The following TGFBI variants were observed in gnomAD, a reference collection of about 807,000 sequenced individuals.
TGFBI encodes the protein transforming growth factor-beta-induced protein ig-h3.
TGFBI carries 50 observed loss-of-function variants against 73.7 expected under a neutral mutation model. The ratio of observed to expected loss-of-function variants is 0.68; its 90% CI spans 0.54 to 0.86. TGFBI has a LOEUF of 0.86. Ranked by LOEUF, TGFBI falls within the 40% of genes least tolerant of loss-of-function variation. The pLI is 0.00. For synonymous variants in TGFBI, 362 were observed against 360.5 expected, an observed-to-expected ratio of 1.00 and a Z score of -0.05; for missense variants, 839 against 877.0, an observed-to-expected ratio of 0.96 and a Z score of 0.55.
At chr5:136,031,055 G>A (rs866508111) in intron 1 of TGFBI, among the ~76,000 whole-genome samples, 3 of 152,190 alleles carry the variant, frequency 2.0e-5, no homozygotes, top group African/African-American at 4.8e-5. Context: ...TACCCCTGCA[G>A]GCAAAGCCTC....
At chr5:136,035,556 C>T (rs1006356651) in intron 2 of TGFBI, among the ~76,000 whole-genome samples, 6 of 144,868 alleles carry the variant, frequency 4.1e-5, no homozygotes, top group Non-Finnish European at 7.5e-5. Flanking sequence ...ACCTGGGAGG[C>T]GGAGCTTGCA....
chr5:136,033,352 A>G (rs904743232), intron 1 of TGFBI, among the ~76,000 whole-genome samples: 1 of 152,148 alleles, frequency 6.6e-6, no homozygotes, highest in Non-Finnish European at 1.5e-5. Context: ...GGTTTAAACC[A>G]GCTATAAAGC....
chr5:136,035,640 A>G (rs1751206397), intron 2 of TGFBI, among the ~76,000 whole-genome samples: 2 of 150,370 alleles, frequency 1.3e-5, no homozygotes, highest in South Asian at 2.1e-4. Context: ...AAAAAAAAAA[A>G]AAAGAAAAGA....
rs1217979550 is a variant in TGFBI at position 136,063,721 on chromosome 5, G to A, written c.*495G>A. On this transcript the variant is annotated 3_prime_UTR_variant, in exon 17 of 17. Coordinates refer to ENST00000442011, the MANE Select transcript of TGFBI (RefSeq NM_000358.3). Reference sequence around the variant, plus strand: ...CACGTGGCTTGGAGGCTTTTATGGGGCCCTGTCCAGGTAGAAAAGAAATGG... The same window carrying A: ...CACGTGGCTTGGAGGCTTTTATGGGACCCTGTCCAGGTAGAAAAGAAATGG... 1.2e-5 allele frequency: 2 copies of A among 166,756 alleles called. No homozygotes were observed. Among genetic ancestry groups the A allele is most frequent in the South Asian group, 1.7e-4 (1 of 6,018 alleles). The allele number at this position is 166,756 out of a possible 1,614,324, so 10.3% of individuals were successfully genotyped here.
intron 1 of TGFBI, among the ~76,000 whole-genome samples, chr5:136,030,040 C>A (rs1751089104): frequency 6.6e-6 from 1 of 152,212 alleles, no homozygotes; most frequent in Non-Finnish European, 1.5e-5. Flanking sequence ...AGGCAGGCAA[C>A]ATTTCTACCT....
At chr5:136,055,065 A>G in intron 10 of TGFBI, 1 of 628,012 alleles carries the variant, frequency 1.6e-6, no homozygotes, top group Admixed American at 3.0e-5. Context: ...GCCTTTGAGA[A>G]TAAACCACAC....
At chr5:136,038,542 C>A (rs557654382) in intron 2 of TGFBI, among the ~76,000 whole-genome samples, 132 of 151,850 alleles carry the variant, frequency 8.7e-4, no homozygotes, top group Admixed American at 2.2e-3. Flanking sequence ...TGGTGAAACT[C>A]CCCCTCTAGT....
At chr5:136,046,606 GC>G in intron 4 of TGFBI, 111 bp downstream of exon 4, 1 of 1,379,280 alleles carries the variant, frequency 7.3e-7, no homozygotes, top group Non-Finnish European at 9.6e-7. Context: ...GTTTCAGGAA[GC>G]TTTCTCCTTA....
At chr5:136,044,194 T>C in intron 3 of TGFBI, 72 bp downstream of exon 3, 1 of 1,329,552 alleles carries the variant, frequency 7.5e-7, no homozygotes, top group Non-Finnish European at 1.1e-6. Flanking sequence ...AGTACCCACA[T>C]AAAAGGCAGC....
In TGFBI at chr5:136,046,335, C is replaced by A; in HGVS notation, c.299C>A (p.Ala100Asp). 1.2e-6 allele frequency: 2 copies of A among 1,613,902 alleles called. No individual in the cohort carries two copies. Among genetic ancestry groups the A allele is most frequent in the Non-Finnish European group, 1.7e-6 (2 of 1,179,846 alleles). Residue 100 changes from alanine (A) to aspartate (D), a missense_variant and splice_region_variant, in exon 4 of 17, where the codon GCC becomes GAC. By Grantham distance (126) the Ala-to-Asp change is moderately radical. Transcript: ENST00000442011. Reference protein sequence around the residue: ...KVPGEKGCPAALPLSNLYETL... With the variant: ...KVPGEKGCPADLPLSNLYETL... ...CTCCTTCTGTCTTCTGCTCCTGCAGCCCTACCACTCTCAAACCTTTACGAG... is the reference window on the plus strand; with the variant it reads ...CTCCTTCTGTCTTCTGCTCCTGCAGACCTACCACTCTCAAACCTTTACGAG...
At chr5:136,059,816 C>A (rs1366253396) in intron 13 of TGFBI, among the ~76,000 whole-genome samples, 1 of 152,224 alleles carries the variant, frequency 6.6e-6, no homozygotes, top group Admixed American at 6.5e-5. Flanking sequence ...GCTCCTCTCT[C>A]TTGGTCTTCA....
At chr5:136,041,026 C>T (rs1435586491) in intron 2 of TGFBI, among the ~76,000 whole-genome samples, 2 of 152,244 alleles carry the variant, frequency 1.3e-5, no homozygotes, top group Non-Finnish European at 2.9e-5. Context: ...GCCTTCGATT[C>T]ACAGCTGCTC....
intron 12 of TGFBI, 87 bp from the exon 13 acceptor site, chr5:136,059,002 CA>C: frequency 6.7e-7 from 1 of 1,499,704 alleles, no homozygotes; most frequent in Non-Finnish European, 9.0e-7. Flanking sequence ...CAGGGGTGAC[CA>C]CTTACATCTT....
At chr5:136,061,215 C>T (rs556047463) in intron 14 of TGFBI, 20 of 572,542 alleles carry the variant, frequency 3.5e-5, no homozygotes, top group South Asian at 2.1e-4. Flanking sequence ...GGATGCTGTC[C>T]GCGCGATTCC....
At chr5:136,031,392 C>T (rs1751117663) in intron 1 of TGFBI, among the ~76,000 whole-genome samples, 1 of 152,238 alleles carries the variant, frequency 6.6e-6, no homozygotes, top group South Asian at 2.1e-4. Flanking sequence ...TAGCGTGCTG[C>T]CTGATATGAA....
intron 1 of TGFBI, among the ~76,000 whole-genome samples, chr5:136,032,064 G>A (rs559118862): frequency 6.6e-6 from 1 of 152,304 alleles, no homozygotes; most frequent in East Asian, 1.9e-4. Flanking sequence ...ACAATAAATA[G>A]GACCGGGGGC....
intron 2 of TGFBI, among the ~76,000 whole-genome samples, chr5:136,041,503 G>A (rs1036519019): frequency 6.6e-6 from 1 of 152,156 alleles, no homozygotes; most frequent in African/African-American, 2.4e-5. Context: ...TTCCAAATCT[G>A]TCTGCTATCC....
At chr5:136,060,700 A>C in intron 13 of TGFBI, 134 bp from the exon 14 acceptor site, 1 of 604,038 alleles carries the variant, frequency 1.7e-6, no homozygotes, top group Non-Finnish European at 2.8e-6. Context: ...ACAAGATTGA[A>C]ACTCCATCTC....
intron 16 of TGFBI, 93 bp from the exon 17 acceptor site, chr5:136,063,093 C>T (rs1751778675): frequency 8.6e-7 from 1 of 1,165,630 alleles, no homozygotes; most frequent in Non-Finnish European, 1.3e-6. Context: ...CAGAAGGAGG[C>T]TGCTTGGCCC....
Sources: allele counts gnomAD v4.1 joint callset (sites outside exome capture counted in the v4.1 genomes callset), GRCh38; gene constraint gnomAD v4.1.1; transcripts MANE v1.5; gene names NCBI Gene and HGNC (gene_info 2026-07-23, HGNC 2026-07-21).